The following RPGRIP1 variants were observed in gnomAD, a reference collection of about 807,000 sequenced individuals.
RPGRIP1 encodes the protein X-linked retinitis pigmentosa GTPase regulator-interacting protein 1.
In RPGRIP1, 128 loss-of-function variants were observed where a neutral mutation model predicts 157.9. That is an observed-to-expected ratio of 0.81 (90% confidence interval 0.70 to 0.94). The LOEUF (loss-of-function observed/expected upper bound fraction) is 0.94. Among genes scored for constraint, RPGRIP1 ranks in the 40% least tolerant of loss-of-function variants. The pLI is 0.00. For synonymous variants in RPGRIP1, 554 were observed against 571.6 expected (o/e 0.97, Z 0.44); for missense variants, 1,486 against 1,545.8 (o/e 0.96, Z 0.65).
chr14:21,310,708 T>C (rs1362219259), intron 8 of RPGRIP1, 101 bp downstream of exon 8: 4 of 685,854 alleles, frequency 5.8e-6, no homozygotes, highest in Non-Finnish European at 1.0e-5. Flanking sequence ...AGAATTTAGC[T>C]AACTAAATCA....
At chr14:21,325,447 T>A (rs1882979950) in intron 16 of RPGRIP1, 64 bp downstream of exon 16, 1 of 1,444,394 alleles carries the variant, frequency 6.9e-7, no homozygotes, top group East Asian at 2.5e-5. Flanking sequence ...ATGAGCACAG[T>A]TCAGTCTTCC....
chr14:21,312,590 A>G, intron 10 of RPGRIP1, 84 bp downstream of exon 10: 1 of 753,906 alleles, frequency 1.3e-6, no homozygotes, highest in Non-Finnish European at 2.2e-6. Flanking sequence ...GCATTAATAA[A>G]TATATGGGGA....
chr14:21,322,885 G>C (rs956876627), intron 14 of RPGRIP1, among the ~76,000 whole-genome samples: 1 of 152,158 alleles, frequency 6.6e-6, no homozygotes, highest in Non-Finnish European at 1.5e-5. Flanking sequence ...AGTCACTGCT[G>C]ACCAGAGCCT....
In RPGRIP1 at chr14:21,303,356, T is replaced by C; in HGVS notation, c.613T>C (p.Ser205Pro). 3 of 1,613,498 alleles carry C rather than the reference T, an allele frequency of 1.9e-6. No individual in the cohort carries two copies. Among genetic ancestry groups the C allele is most frequent in the Non-Finnish European group, 2.5e-6 (3 of 1,179,610 alleles). ...ELVSGSNSII[S>P]FSSVISMAKP... is the part of the protein sequence containing the mutation. ...TGTTTCTGGTTCTAACAGCATAATT[T>C]CTTTCAGCAGTGTCATAAGTATGGC... is the stretch of plus-strand genomic sequence containing the variant. Residue 205 changes from serine to proline, a missense_variant, in exon 6 of 25, where the codon TCT becomes CCT. By Grantham distance (74) the Ser-to-Pro change is moderately conservative. Coordinates refer to ENST00000400017, the MANE Select transcript of RPGRIP1 (RefSeq NM_020366.4).
intron 10 of RPGRIP1, among the ~76,000 whole-genome samples, chr14:21,313,620 T>A (rs1450413144): frequency 6.6e-6 from 1 of 151,836 alleles, no homozygotes; most frequent in East Asian, 1.9e-4. Flanking sequence ...AAGCCCTGTG[T>A]CTACTAAAAA....
chr14:21,311,829 G>C lies in RPGRIP1; in HGVS notation c.936G>C (p.Gln312His), dbSNP rs1405144018. The change falls in exon 9 of 25, where the codon CAG becomes CAC. Residue 312 changes from glutamine (Q) to histidine (H), a missense_variant. Transcript: ENST00000400017. ...EAYETLLQKN[Q>H]GILSAAHEAL... is the part of the protein sequence containing the mutation. ...GTACTTTCCTTTTGACCCAGAATCA[G>C]GGAATCCTGAGTGCAGCCCATGAGG... 22 of 1,600,122 alleles carry C rather than the reference G, an allele frequency of 1.4e-5. No individual in the cohort carries two copies. Among genetic ancestry groups the C allele is most frequent in the Non-Finnish European group, 1.8e-5 (21 of 1,175,172 alleles).
At chr14:21,341,051 TTG>T (rs1884949712) in intron 21 of RPGRIP1, among the ~76,000 whole-genome samples, 1 of 151,994 alleles carries the variant, frequency 6.6e-6, no homozygotes, top group Admixed American at 6.6e-5. Flanking sequence ...TTTTGTTTGT[TTG>T]TTTGTTTTTT....
intron 6 of RPGRIP1, among the ~76,000 whole-genome samples, chr14:21,306,970 C>G (rs1334351136): frequency 6.9e-6 from 1 of 145,980 alleles, no homozygotes; most frequent in Non-Finnish European, 1.5e-5. Context: ...GAGATGGGGT[C>G]TCACTATGTT....
intron 12 of RPGRIP1, among the ~76,000 whole-genome samples, chr14:21,320,987 T>C (rs1403439065): frequency 6.6e-6 from 1 of 152,164 alleles, no homozygotes; most frequent in Non-Finnish European, 1.5e-5. Context: ...TTGCAGCTCA[T>C]AAAATTTAGA....
At chr14:21,339,275 G>A (rs1352989433) in intron 21 of RPGRIP1, among the ~76,000 whole-genome samples, 2 of 151,886 alleles carry the variant, frequency 1.3e-5, no homozygotes, top group Non-Finnish European at 2.9e-5. Flanking sequence ...GTGAAACCCC[G>A]TCTCTACTAA....
chr14:21,320,415 C>G (rs1882289143), intron 12 of RPGRIP1, among the ~76,000 whole-genome samples: 1 of 151,138 alleles, frequency 6.6e-6, no homozygotes, highest in Admixed American at 6.6e-5. Flanking sequence ...CTCAGCCTTC[C>G]GAGTAGCTGG....
intron 1 of RPGRIP1, among the ~76,000 whole-genome samples, chr14:21,287,586 C>T (rs1268023044): frequency 6.6e-6 from 1 of 152,068 alleles, no homozygotes; most frequent in African/African-American, 2.4e-5. Context: ...TAAACTGATT[C>T]CTGGGGAGTC....
intron 23 of RPGRIP1, among the ~76,000 whole-genome samples, chr14:21,346,532 A>G (rs1885589870): frequency 6.6e-6 from 1 of 152,226 alleles, no homozygotes; most frequent in Non-Finnish European, 1.5e-5. Context: ...AACCTGGGTG[A>G]CAAAGCAGAC....
chr14:21,320,662 C>T lies in RPGRIP1; in HGVS notation c.1467+485C>T, dbSNP rs139642221. ...TTTCCCAGGCTGGAGTGCAATGGCG[C>T]GATCTCGGCTCACTACAGTCTTTGC... On this transcript the variant is annotated intron_variant, in intron 12 of 24. Transcript: ENST00000400017. 1.7e-3 allele frequency among the ~76,000 whole-genome samples: 248 copies of T among 145,494 alleles called. 1 individual carries two copies. In the East Asian group the frequency reaches 0.034, roughly 20 times the overall value.
Position 21,302,521 on chromosome 14 carries a change from C to T in RPGRIP1, c.524C>T (p.Pro175Leu), listed in dbSNP as rs1235485832. 1 of 1,587,170 alleles carries T rather than the reference C, an allele frequency of 6.3e-7. No individual in the cohort carries two copies. Among genetic ancestry groups the T allele is most frequent in the Non-Finnish European group, 8.6e-7 (1 of 1,164,650 alleles). Residue 175 changes from proline to leucine, a missense_variant, in exon 5 of 25, where the codon CCA (proline) becomes CTA (leucine). Transcript: ENST00000400017. ...PRDRLSYTAPPSFKEHATNEN... is the reference protein window; with the variant it reads ...PRDRLSYTAPLSFKEHATNEN... Reference sequence around the variant, plus strand: ...GACAGGCTGAGCTACACAGCCCCTCCATCGTTTAAGGAGCATGCGACAAAT... The same window carrying T: ...GACAGGCTGAGCTACACAGCCCCTCTATCGTTTAAGGAGCATGCGACAAAT...
chr14:21,294,052 C>CAAAA (rs370207654), intron 2 of RPGRIP1, among the ~76,000 whole-genome samples: 17 of 93,756 alleles, frequency 1.8e-4, no homozygotes, highest in African/African-American at 2.1e-4. Context: ...GACCCTGTCT[C>CAAAA]AAAAAAAAAA....
chr14:21,319,321 G>C (rs1882143612), intron 11 of RPGRIP1, among the ~76,000 whole-genome samples: 1 of 152,138 alleles, frequency 6.6e-6, no homozygotes, highest in Non-Finnish European at 1.5e-5. Context: ...CAGCACATTG[G>C]GAGGCCGAGG....
intron 23 of RPGRIP1, among the ~76,000 whole-genome samples, chr14:21,346,173 A>G (rs1292737265): frequency 6.6e-6 from 1 of 152,160 alleles, no homozygotes; most frequent in East Asian, 1.9e-4. Flanking sequence ...AAGTTTTAGG[A>G]AAGCTGGTTG....
chr14:21,318,533 T>C (rs192575620), intron 11 of RPGRIP1, among the ~76,000 whole-genome samples: 1 of 152,206 alleles, frequency 6.6e-6, no homozygotes, highest in Non-Finnish European at 1.5e-5. Context: ...TGGAGTACAG[T>C]GATGCGATCT....
Sources: gnomAD v4.1 joint callset for allele counts (sites outside exome capture counted in the v4.1 genomes callset) on GRCh38, gnomAD v4.1.1 for gene constraint, MANE v1.5 for transcripts, NCBI Gene and HGNC (gene_info 2026-07-23, HGNC 2026-07-21) for gene names.